The following ARHGAP24 variants were observed in gnomAD, a reference collection of about 807,000 sequenced individuals.
ARHGAP24 encodes Rho GTPase activating protein 24.
Under a neutral mutation model 76.4 loss-of-function variants are expected in ARHGAP24, and 50 were observed. The ratio of observed to expected loss-of-function variants is 0.65; its 90% CI spans 0.52 to 0.83. The LOEUF (loss-of-function observed/expected upper bound fraction) is 0.83. ARHGAP24 is among the 40% of genes least tolerant of loss of function. ARHGAP24 has a pLI of 0.00. For missense variants in ARHGAP24, 930 were observed against 914.2 expected (o/e 1.02, Z -0.22); for synonymous variants, 345 against 323.3 (o/e 1.07, Z -0.72).
At chr4:85,689,609 G>C (rs748188172) in intron 2 of ARHGAP24, among the ~76,000 whole-genome samples, 1 of 151,990 alleles carries the variant, frequency 6.6e-6, no homozygotes, top group South Asian at 2.1e-4. Flanking sequence ...GGCTAGTCTC[G>C]AACTTCTGAG....
At chr4:85,860,308 T>C (rs1477006081) in intron 3 of ARHGAP24, among the ~76,000 whole-genome samples, 2 of 152,058 alleles carry the variant, frequency 1.3e-5, no homozygotes, top group Non-Finnish European at 2.9e-5. Context: ...GGCTCACTCA[T>C]ATATGAGTCA....
chr4:85,655,838 G>A (rs1404229864), intron 2 of ARHGAP24, among the ~76,000 whole-genome samples: 1 of 122,058 alleles, frequency 8.2e-6, no homozygotes, highest in African/African-American at 3.2e-5. Context: ...GAGAGAGAGA[G>A]AGAGAGACAG....
chr4:85,531,404 T>C (rs1725254006), intron 1 of ARHGAP24, among the ~76,000 whole-genome samples: 1 of 152,058 alleles, frequency 6.6e-6, no homozygotes, highest in Non-Finnish European at 1.5e-5. Context: ...CACAGGACTT[T>C]GACTGACATA....
At chr4:85,480,849 A>G (rs1041381450) in intron 1 of ARHGAP24, among the ~76,000 whole-genome samples, 8 of 152,166 alleles carry the variant, frequency 5.3e-5, no homozygotes, top group African/African-American at 1.9e-4. Flanking sequence ...TCCCTTAGGG[A>G]TGTCGCTGAG....
At chr4:85,811,622 A>G (rs1246613971) in intron 3 of ARHGAP24, among the ~76,000 whole-genome samples, 2 of 152,206 alleles carry the variant, frequency 1.3e-5, no homozygotes, top group African/African-American at 4.8e-5. Flanking sequence ...ATGGAACACA[A>G]ATAGAAACTT....
At chr4:85,685,284 A>G (rs1414329998) in intron 2 of ARHGAP24, among the ~76,000 whole-genome samples, 1 of 152,166 alleles carries the variant, frequency 6.6e-6, no homozygotes, top group Non-Finnish European at 1.5e-5. Context: ...CATTGAGATT[A>G]CCTTTCCTCT....
At chr4:85,804,849 G>A (rs1728724226) in intron 3 of ARHGAP24, among the ~76,000 whole-genome samples, 1 of 152,154 alleles carries the variant, frequency 6.6e-6, no homozygotes, top group Admixed American at 6.5e-5. Context: ...CAATATTCCA[G>A]TATACACAAA....
intron 3 of ARHGAP24, among the ~76,000 whole-genome samples, chr4:85,900,657 C>G (rs748513870): frequency 6.6e-6 from 1 of 152,062 alleles, no homozygotes; most frequent in Non-Finnish European, 1.5e-5. Context: ...AACTCCTGAC[C>G]ACAGGTGATC....
chr4:85,842,925 C>T (rs1432773683), intron 3 of ARHGAP24, among the ~76,000 whole-genome samples: 2 of 152,032 alleles, frequency 1.3e-5, no homozygotes, highest in Non-Finnish European at 2.9e-5. Context: ...TGAGACTTAG[C>T]GAGGTCAATT....
chr4:85,585,249 G>T (rs764334509), intron 2 of ARHGAP24, among the ~76,000 whole-genome samples: 33 of 152,178 alleles, frequency 2.2e-4, no homozygotes, highest in Non-Finnish European at 4.0e-4. Context: ...TATTCCTTCT[G>T]TTTTTGACAC....
chr4:85,953,271 C>T (rs1737721468), intron 5 of ARHGAP24, among the ~76,000 whole-genome samples: 1 of 152,172 alleles, frequency 6.6e-6, no homozygotes, highest in South Asian at 2.1e-4. Flanking sequence ...TTCCCTTGTT[C>T]CTCTTTCTGC....
rs915036707 is a variant in ARHGAP24, at chr4:85,859,241, AC to A, written c.269-64406del. ...CACACACACACACACACACACACAC[AC>A]AAGATGTGCTTGGGCTGTATGCCTT... On this transcript the variant is annotated intron_variant, in intron 3 of 9. Coordinates refer to ENST00000395184, the MANE Select transcript of ARHGAP24 (RefSeq NM_001025616.3). Among the ~76,000 whole-genome samples, 19 of 151,724 alleles carry A rather than the reference AC, an allele frequency of 1.3e-4. No homozygotes were observed. In the South Asian group the frequency reaches 4.0e-3, roughly 32 times the overall value.
chr4:85,600,898 A>T, intron 2 of ARHGAP24, among the ~76,000 whole-genome samples: 1 of 152,220 alleles, frequency 6.6e-6, no homozygotes, highest in East Asian at 1.9e-4. Context: ...TTTTATTGAA[A>T]GAATGTAAAA....
intron 3 of ARHGAP24, among the ~76,000 whole-genome samples, chr4:85,764,179 C>G (rs568922226): frequency 2.6e-5 from 4 of 151,932 alleles, no homozygotes; most frequent in African/African-American, 4.8e-5. Context: ...AATCTCTAAG[C>G]CAAATTTTCT....
chr4:85,646,825 T>G (rs1002670684), intron 2 of ARHGAP24, among the ~76,000 whole-genome samples: 3 of 152,148 alleles, frequency 2.0e-5, no homozygotes, highest in African/African-American at 7.2e-5. Context: ...GAAAGTGTAC[T>G]CCTTAATATG....
chr4:85,924,809 T>C (rs1168061890), intron 4 of ARHGAP24: 1 of 152,220 alleles, frequency 6.6e-6, no homozygotes, highest in African/African-American at 2.4e-5. Flanking sequence ...TGGCACATGT[T>C]TGTAATATAT....
At chr4:85,627,219 C>T (rs1259016704) in intron 2 of ARHGAP24, among the ~76,000 whole-genome samples, 1 of 152,120 alleles carries the variant, frequency 6.6e-6, no homozygotes, top group African/African-American at 2.4e-5. Flanking sequence ...TACCTTTGGT[C>T]TTTGATGATG....
intron 2 of ARHGAP24, among the ~76,000 whole-genome samples, chr4:85,621,902 T>TA (rs1720731123): frequency 6.6e-6 from 1 of 152,108 alleles, no homozygotes; most frequent in Non-Finnish European, 1.5e-5. Context: ...TTTTAGGTCT[T>TA]ACATTTTAGT....
In ARHGAP24 at chr4:85,628,411, G is replaced by T. The variant is rs533339860; in HGVS notation, c.180+57690G>T. ...AATTTGTGGGCTAATATATTCTATTGTGGATAATGTTCCATGCATGCTTGA... is the reference window on the plus strand; with the variant it reads ...AATTTGTGGGCTAATATATTCTATTTTGGATAATGTTCCATGCATGCTTGA... On this transcript the variant is annotated intron_variant, in intron 2 of 9. Transcript: ENST00000395184. Among the ~76,000 whole-genome samples, 15 of 152,192 alleles carry T rather than the reference G, an allele frequency of 9.9e-5. No homozygotes were observed. In the South Asian group the frequency reaches 2.1e-3, roughly 21 times the overall value.
Sources: gnomAD v4.1 joint callset for allele counts (sites outside exome capture counted in the v4.1 genomes callset) on GRCh38, gnomAD v4.1.1 for gene constraint, MANE v1.5 for transcripts, NCBI Gene and HGNC (gene_info 2026-07-23, HGNC 2026-07-21) for gene names.